ATR: variants seen among roughly 807,000 people sequenced by gnomAD.
ATR encodes serine/threonine-protein kinase ATR.
Under a neutral mutation model 305.3 loss-of-function variants are expected in ATR, and 142 were observed. The observed-to-expected ratio is 0.47, with a 90% CI of 0.41 to 0.53. The LOEUF is 0.53. ATR is among the 20% of genes least tolerant of loss of function. The pLI is 0.00. For missense variants in ATR, 2,135 were observed against 3,133.1 expected (o/e 0.68, Z 7.60); for synonymous variants, 1,050 against 1,068.1 (o/e 0.98, Z 0.33).
chr3:142,535,324 A>G, intron 20 of ATR, 119 bp from the exon 21 acceptor site: 1 of 1,155,352 alleles, frequency 8.7e-7, no homozygotes, highest in South Asian at 1.4e-5. Context: ...TTTTTAAAGT[A>G]ATGAAATTTC....
At chr3:142,574,803 G>T (rs903043926) in intron 1 of ATR, among the ~76,000 whole-genome samples, 124 of 152,188 alleles carry the variant, frequency 8.1e-4, no homozygotes, top group African/African-American at 2.8e-3. Flanking sequence ...CCTTAACGAG[G>T]TGATACAAAA....
intron 46 of ATR, chr3:142,451,172 G>C: frequency 8.3e-7 from 1 of 1,201,268 alleles, no homozygotes; most frequent in Non-Finnish European, 1.0e-6. Flanking sequence ...ATCTTCCAAA[G>C]AAAACTTCAA....
chr3:142,565,485 C>CT (rs35038737), intron 3 of ATR, among the ~76,000 whole-genome samples: 1 of 152,042 alleles, frequency 6.6e-6, no homozygotes, highest in South Asian at 2.1e-4. Context: ...GGTCAGCAAA[C>CT]TTTTTTTAAA....
rs183283339 is a variant in ATR, at chr3:142,488,322, G to C, written c.6079-3040C>G. On this transcript the variant is annotated intron_variant, in intron 35 of 46. Transcript: ENST00000350721. Reference sequence around the variant, plus strand: ...ACGACTCTCTGTTGTTGCTAGCCATGGGGTACTTTCACCATCCTTTGTTAA... The same window carrying C: ...ACGACTCTCTGTTGTTGCTAGCCATCGGGTACTTTCACCATCCTTTGTTAA... 3.9e-3 allele frequency among the ~76,000 whole-genome samples: 591 copies of C among 152,242 alleles called. 4 individuals carry two copies. Among genetic ancestry groups the C allele is most frequent in the African/African-American group, 0.014 (570 of 41,532 alleles).
chr3:142,557,596 C>T (rs2034717480), intron 8 of ATR, among the ~76,000 whole-genome samples: 2 of 152,024 alleles, frequency 1.3e-5, no homozygotes, highest in South Asian at 4.2e-4. Context: ...AAATTCAGAA[C>T]AGTAGTAATC....
intron 23 of ATR, among the ~76,000 whole-genome samples, chr3:142,520,191 G>C (rs1490717387): frequency 6.6e-6 from 1 of 152,094 alleles, no homozygotes; most frequent in Non-Finnish European, 1.5e-5. Flanking sequence ...GAACCTAATC[G>C]ATAAATGTGG....
Position 142,499,480 on chromosome 3 carries a change from G to C in ATR, c.5380+147C>G, listed in dbSNP as rs1009341802. 24 of 666,796 alleles carry C rather than the reference G, an allele frequency of 3.6e-5. No homozygotes were observed. In the African/African-American group the frequency reaches 4.4e-4, roughly 12 times the overall value. 41.3% of individuals were successfully genotyped at this position (666,796 alleles called of 1,614,324 possible). On this transcript the variant is annotated intron_variant, in intron 31 of 46. Coordinates refer to ENST00000350721, the MANE Select transcript of ATR (RefSeq NM_001184.4). Reference sequence around the variant, plus strand: ...CAGCTAATTTTTTGTATTTTTAGTAGAGACGGGGTTTCACTGTGTTAGCCA... The same window carrying C: ...CAGCTAATTTTTTGTATTTTTAGTACAGACGGGGTTTCACTGTGTTAGCCA...
chr3:142,479,576 T>C (rs1355060043), intron 36 of ATR, among the ~76,000 whole-genome samples: 10 of 152,210 alleles, frequency 6.6e-5, no homozygotes, highest in Non-Finnish European at 1.0e-4. Context: ...TTGGAGTTGC[T>C]CTTCTCGAGG....
At chr3:142,482,838 A>G (rs1218612333) in intron 36 of ATR, among the ~76,000 whole-genome samples, 1 of 151,784 alleles carries the variant, frequency 6.6e-6, no homozygotes. Flanking sequence ...TCAATTAAAA[A>G]AAAAAAAAAA....
chr3:142,495,699 G>A (rs1161763779), intron 34 of ATR, among the ~76,000 whole-genome samples: 1 of 151,994 alleles, frequency 6.6e-6, no homozygotes, highest in East Asian at 1.9e-4. Flanking sequence ...AGCGGAGATC[G>A]TGCCACTGCA....
chr3:142,539,477 T>TA (rs890406147), intron 18 of ATR, among the ~76,000 whole-genome samples: 1 of 152,046 alleles, frequency 6.6e-6, no homozygotes, highest in Non-Finnish European at 1.5e-5. Flanking sequence ...CTTTAATGGA[T>TA]AAAAAATAAT....
intron 21 of ATR, among the ~76,000 whole-genome samples, chr3:142,531,527 T>C (rs1368473306): frequency 6.6e-6 from 1 of 152,038 alleles, no homozygotes; most frequent in East Asian, 1.9e-4. Flanking sequence ...GTCCTTGAAA[T>C]AGTTTGCTGA....
chr3:142,493,482 A>G (rs1221828444), intron 34 of ATR, among the ~76,000 whole-genome samples, 171 bp from the exon 35 acceptor site: 1 of 152,170 alleles, frequency 6.6e-6, no homozygotes, highest in Non-Finnish European at 1.5e-5. Flanking sequence ...GCTTCATCTC[A>G]TTCATTCATT....
intron 6 of ATR, 23 bp downstream of exon 6, chr3:142,560,240 A>G (rs761186504): frequency 6.2e-7 from 1 of 1,608,076 alleles, no homozygotes; most frequent in South Asian, 1.1e-5. Flanking sequence ...ACCCAACCCC[A>G]AGAAACAAGA....
intron 1 of ATR, 115 bp downstream of exon 1, chr3:142,578,531 G>T: frequency 1.6e-6 from 2 of 1,236,664 alleles, no homozygotes; most frequent in Non-Finnish European, 2.2e-6. Context: ...CACAAGGGCC[G>T]CAGCGGGGGC....
At chr3:142,464,649 GA>G (rs1475818653) in intron 41 of ATR, among the ~76,000 whole-genome samples, 1 of 152,188 alleles carries the variant, frequency 6.6e-6, no homozygotes, top group African/African-American at 2.4e-5. Context: ...GCACTTATAT[GA>G]GGTACCTCAA....
chr3:142,475,191 G>A (rs1365668124), intron 36 of ATR, among the ~76,000 whole-genome samples: 1 of 152,114 alleles, frequency 6.6e-6, no homozygotes, highest in Non-Finnish European at 1.5e-5. Flanking sequence ...TTGGTGTGCT[G>A]CACCCATTAA....
At chr3:142,504,645 G>T (rs1417863282) in intron 29 of ATR, among the ~76,000 whole-genome samples, 2 of 151,752 alleles carry the variant, frequency 1.3e-5, no homozygotes, top group East Asian at 3.9e-4. Context: ...TGTATTTTTG[G>T]TAGAGACAGG....
intron 3 of ATR, among the ~76,000 whole-genome samples, chr3:142,564,679 T>C (rs558824842): frequency 6.6e-6 from 1 of 152,330 alleles, no homozygotes; most frequent in South Asian, 2.1e-4. Context: ...ATACATGCAT[T>C]TTATTTAAAT....
Sources: allele counts gnomAD v4.1 joint callset (sites outside exome capture counted in the v4.1 genomes callset), GRCh38; gene constraint gnomAD v4.1.1; transcripts MANE v1.5; gene names NCBI Gene and HGNC (gene_info 2026-07-23, HGNC 2026-07-21).